LRRTM4: variants seen among roughly 807,000 people sequenced by gnomAD.
LRRTM4 encodes the protein leucine-rich repeat transmembrane neuronal protein 4.
A neutral mutation model predicts 47.6 loss-of-function variants in LRRTM4; 25 were observed. That is an observed-to-expected ratio of 0.53 (90% CI 0.38 to 0.73). The LOEUF is 0.73. Ranked by LOEUF, LRRTM4 falls within the 30% of genes least tolerant of loss-of-function variation. The pLI is 0.00. For missense variants in LRRTM4, 638 were observed against 713.4 expected (o/e 0.89, Z 1.20); for synonymous variants, 311 against 269.5 (o/e 1.15, Z -1.51).
intron 3 of LRRTM4, among the ~76,000 whole-genome samples, chr2:76,908,693 C>T (rs1475337986): frequency 6.6e-6 from 1 of 152,070 alleles, no homozygotes; most frequent in Non-Finnish European, 1.5e-5. Flanking sequence ...TTCTTATACA[C>T]CAATAAGAGA....
intron 3 of LRRTM4, among the ~76,000 whole-genome samples, chr2:76,994,366 C>CA (rs1263615667): frequency 2.0e-5 from 3 of 151,880 alleles, no homozygotes; most frequent in Admixed American, 6.6e-5. Flanking sequence ...AGCTGTGTTT[C>CA]TATCCTGCAA....
At chr2:76,931,706 A>G (rs146838889) in intron 3 of LRRTM4, among the ~76,000 whole-genome samples, 242 of 152,266 alleles carry the variant, frequency 1.6e-3, no homozygotes, top group African/African-American at 5.7e-3. Flanking sequence ...TTAAAGAAGA[A>G]AAGTATAAAA....
intron 3 of LRRTM4, among the ~76,000 whole-genome samples, chr2:77,484,480 C>T (rs940629742): frequency 3.3e-5 from 5 of 152,126 alleles, no homozygotes; most frequent in Non-Finnish European, 7.4e-5. Flanking sequence ...AAAGAGGTGT[C>T]CACAGATTTG....
At chr2:77,301,760 A>G (rs1014931929) in intron 3 of LRRTM4, among the ~76,000 whole-genome samples, 2 of 152,174 alleles carry the variant, frequency 1.3e-5, no homozygotes, top group Admixed American at 6.5e-5. Flanking sequence ...AGAGCTGCAA[A>G]TGAATAGTAT....
At chr2:77,360,641 T>C (rs1211277930) in intron 3 of LRRTM4, among the ~76,000 whole-genome samples, 1 of 152,158 alleles carries the variant, frequency 6.6e-6, no homozygotes, top group Non-Finnish European at 1.5e-5. Context: ...AAAAGTAATT[T>C]GACTTCCCTA....
chr2:76,822,607 G>A (rs569903746), intron 3 of LRRTM4, among the ~76,000 whole-genome samples: 1 of 151,594 alleles, frequency 6.6e-6, no homozygotes, highest in African/African-American at 2.4e-5. Flanking sequence ...CTGCCACTCT[G>A]AGGAACAAAA....
chr2:76,868,507 A>G (rs573123075), intron 3 of LRRTM4, among the ~76,000 whole-genome samples: 1 of 152,282 alleles, frequency 6.6e-6, no homozygotes, highest in South Asian at 2.1e-4. Context: ...TACACATGTT[A>G]AACTCCCACG....
In LRRTM4 at chr2:77,423,878, G is replaced by T. The variant is rs1442163931; in HGVS notation, c.1551+94440C>A. Among the ~76,000 whole-genome samples the T allele has an allele frequency of 2.0e-5, 3 of 152,112 alleles. No homozygotes were observed. In the East Asian group the frequency reaches 5.8e-4, roughly 29 times the overall value. On this transcript the variant is annotated intron_variant, in intron 3 of 3. Transcript: ENST00000409884. ...AGAGCCTGGGTTCAGGAATCCCAAAGTGCAAATGACAACCAGTCTTTGGTA... is the reference window on the plus strand; with the variant it reads ...AGAGCCTGGGTTCAGGAATCCCAAATTGCAAATGACAACCAGTCTTTGGTA...
intron 3 of LRRTM4, among the ~76,000 whole-genome samples, chr2:77,072,935 G>C (rs995760158): frequency 6.6e-5 from 10 of 151,692 alleles, no homozygotes; most frequent in African/African-American, 2.4e-4. Context: ...TGTTAAGACA[G>C]AAGAAGCATA....
chr2:77,370,756 G>A (rs559620550), intron 3 of LRRTM4, among the ~76,000 whole-genome samples: 1 of 151,774 alleles, frequency 6.6e-6, no homozygotes, highest in South Asian at 2.1e-4. Flanking sequence ...AGACTTAAGT[G>A]CTCTTGTCGT....
intron 3 of LRRTM4, among the ~76,000 whole-genome samples, chr2:76,961,853 A>AT (rs1262937307): frequency 6.6e-6 from 1 of 151,366 alleles, no homozygotes; most frequent in East Asian, 1.9e-4. Flanking sequence ...CTTTGTCAAT[A>AT]TTTAAAGCAT....
intron 3 of LRRTM4, among the ~76,000 whole-genome samples, chr2:77,410,283 G>T (rs533476901): frequency 6.6e-6 from 1 of 152,204 alleles, no homozygotes; most frequent in East Asian, 1.9e-4. Context: ...CTGATATTGG[G>T]AAAATGGGAC....
intron 3 of LRRTM4, among the ~76,000 whole-genome samples, chr2:77,008,071 G>T (rs938864318): frequency 6.6e-6 from 1 of 152,166 alleles, no homozygotes; most frequent in Non-Finnish European, 1.5e-5. Flanking sequence ...AACAACTGTA[G>T]CATCCTGTTG....
intron 3 of LRRTM4, among the ~76,000 whole-genome samples, chr2:76,771,647 AAAAAAAAAAAG>A (rs1558641748): frequency 2.2e-5 from 3 of 139,144 alleles, no homozygotes; most frequent in Non-Finnish European, 4.6e-5. Flanking sequence ...AACAGAAAAA[AAAAAAAAAAAG>A]AAAAAGAAAA....
intron 3 of LRRTM4, among the ~76,000 whole-genome samples, chr2:77,243,150 C>T (rs540333764): frequency 6.6e-6 from 1 of 152,220 alleles, no homozygotes; most frequent in South Asian, 2.1e-4. Flanking sequence ...CGGTGGCTCA[C>T]GCCTGTAATC....
intron 3 of LRRTM4, among the ~76,000 whole-genome samples, chr2:77,281,849 A>C (rs969189764): frequency 2.0e-5 from 3 of 151,908 alleles, no homozygotes; most frequent in African/African-American, 7.2e-5. Context: ...CATGTAGACT[A>C]TGTTAGTTTT....
intron 3 of LRRTM4, among the ~76,000 whole-genome samples, chr2:77,015,588 T>C (rs894835410): frequency 6.6e-6 from 1 of 152,066 alleles, no homozygotes; most frequent in African/African-American, 2.4e-5. Flanking sequence ...CCTCCCAAAG[T>C]GCTGGGATTA....
intron 3 of LRRTM4, among the ~76,000 whole-genome samples, chr2:77,002,890 TTAA>T (rs1225987681): frequency 6.6e-6 from 1 of 152,152 alleles, no homozygotes; most frequent in African/African-American, 2.4e-5. Context: ...TTTGGAGTAC[TTAA>T]TAATATTTTA....
At chr2:76,822,926 A>AT (rs1671094129) in intron 3 of LRRTM4, among the ~76,000 whole-genome samples, 1 of 151,496 alleles carries the variant, frequency 6.6e-6, no homozygotes, top group Non-Finnish European at 1.5e-5. Context: ...AAATTATTTC[A>AT]GTTATTTATG....
Sources: allele counts gnomAD v4.1 joint callset (sites outside exome capture counted in the v4.1 genomes callset), GRCh38; gene constraint gnomAD v4.1.1; transcripts MANE v1.5; gene names NCBI Gene and HGNC (gene_info 2026-07-23, HGNC 2026-07-21).